The following LIX1 variants were observed in gnomAD, a reference collection of about 807,000 sequenced individuals.
The protein encoded by LIX1 is limb and CNS expressed 1.
A neutral mutation model predicts 33.4 loss-of-function variants in LIX1; 24 were observed. The ratio of observed to expected loss-of-function variants is 0.72; its 90% CI spans 0.52 to 1.01. The LOEUF (loss-of-function observed/expected upper bound fraction) is 1.01. Among genes scored for constraint, LIX1 ranks in the 50% least tolerant of loss-of-function variants. The pLI is 0.00. For missense variants in LIX1, 311 were observed against 339.2 expected (o/e 0.92, Z 0.65); for synonymous variants, 124 against 124.0 (o/e 1.00, Z 0.00).
chr5:97,105,129 G>A lies in LIX1; in HGVS notation c.483+61C>T, dbSNP rs1359088192. The stretch of plus-strand genomic sequence containing the variant: ...TCGGGAGATGTTAGTGATAAATGTT[G>A]CATTTCTCTTAGGCTTCTGGATTGG... On this transcript the variant is annotated intron_variant, in intron 4 of 5. Coordinates refer to ENST00000274382, the MANE Select transcript of LIX1 (RefSeq NM_153234.5). 7.2e-6 allele frequency: 10 copies of A among 1,396,984 alleles called. No homozygotes were observed. Among genetic ancestry groups the A allele is most frequent in the Admixed American group, 1.7e-5 (1 of 59,116 alleles). 86.5% of individuals were successfully genotyped at this position (1,396,984 alleles called of 1,614,324 possible).
At position 97,105,238 on chromosome 5, in the gene LIX1, A is replaced by G. The variant is rs1028138827; in HGVS notation, c.435T>C (p.Tyr145=). The G allele has an allele frequency of 4.3e-6, 7 of 1,614,156 alleles. No homozygotes were observed. The highest frequency in any genetic ancestry group is 5.9e-6 in the Non-Finnish European group (7 of 1,180,020). ...ADDPSTSVGA[Y]HYMLESNMGK... ...CCATGTTTGACTCCAGCATGTAGTG[A>G]TAGGCCCCAACACTGGTGCTGGGGT... Residue 145 remains tyrosine (Y), a synonymous_variant, in exon 4 of 6, where the codon TAT becomes TAC. Coordinates refer to ENST00000274382, the MANE Select transcript of LIX1 (RefSeq NM_153234.5).
intron 4 of LIX1, among the ~76,000 whole-genome samples, chr5:97,103,602 A>G (rs1453689849): frequency 6.6e-6 from 1 of 152,218 alleles, no homozygotes; most frequent in Non-Finnish European, 1.5e-5. Context: ...CTTAAAGGAT[A>G]CTTTGTTGCT....
Position 97,142,485 on chromosome 5 carries a change from C to T in LIX1, c.82+10G>A, listed in dbSNP as rs779645228. ...AAAAGTCAAAAAACTTTTCCCCCTTCAGTACTTACAGTCTTTGAAGACTAG... is the reference window on the plus strand; with the variant it reads ...AAAAGTCAAAAAACTTTTCCCCCTTTAGTACTTACAGTCTTTGAAGACTAG... On this transcript the variant is annotated intron_variant, in intron 1 of 5. Transcript: ENST00000274382. The T allele has an allele frequency of 2.8e-5, 45 of 1,607,102 alleles. No homozygotes were observed. Among genetic ancestry groups the T allele is most frequent in the Non-Finnish European group, 3.7e-5 (43 of 1,173,698 alleles).
In LIX1 at chr5:97,131,380, G is replaced by C. The variant is rs368961070; in HGVS notation, c.83-6751C>G. ...CTCCTCCATTGTGTCTTACTCACTG[G>C]CTCCTACCCACATGTACCTCCTTTT... On this transcript the variant is annotated intron_variant, in intron 1 of 5. Transcript: ENST00000274382. Among the ~76,000 whole-genome samples the C allele has an allele frequency of 2.0e-4, 31 of 152,128 alleles. No homozygotes were observed. The East Asian group carries it at 5.4e-3, about 26-fold the overall frequency.
chr5:97,130,557 G>A (rs1748032869), intron 1 of LIX1, among the ~76,000 whole-genome samples: 1 of 152,216 alleles, frequency 6.6e-6, no homozygotes, highest in Admixed American at 6.5e-5. Context: ...GATGAGCTGA[G>A]CAACACTTCT....
intron 1 of LIX1, among the ~76,000 whole-genome samples, chr5:97,141,023 A>T (rs1422979219): frequency 6.6e-6 from 1 of 152,236 alleles, no homozygotes; most frequent in Non-Finnish European, 1.5e-5. Flanking sequence ...TCTTTTCTAA[A>T]CTGTAAACAA....
chr5:97,105,379 A>G, intron 3 of LIX1, 94 bp from the exon 4 acceptor site: 3 of 1,030,228 alleles, frequency 2.9e-6, no homozygotes, highest in East Asian at 2.5e-5. Flanking sequence ...CAGTAAGCCT[A>G]TTTTTGGTCT....
intron 4 of LIX1, among the ~76,000 whole-genome samples, chr5:97,097,855 GAGATAAC>G (rs1746472525): frequency 6.6e-6 from 1 of 152,148 alleles, no homozygotes; most frequent in South Asian, 2.1e-4. Context: ...GACAAAGAGA[GAGATAAC>G]AGCCAAATCC....
chr5:97,112,883 C>T (rs1265033081), intron 2 of LIX1, among the ~76,000 whole-genome samples: 2 of 152,022 alleles, frequency 1.3e-5, no homozygotes, highest in Non-Finnish European at 2.9e-5. Flanking sequence ...GTAAGATTCC[C>T]CAGTGACCCC....
intron 5 of LIX1, among the ~76,000 whole-genome samples, chr5:97,096,427 T>G (rs1746379103): frequency 6.6e-6 from 1 of 152,166 alleles, no homozygotes; most frequent in Non-Finnish European, 1.5e-5. Flanking sequence ...CACTCTCCAG[T>G]GACGAGGTTT....
At chr5:97,136,183 A>G (rs1439552246) in intron 1 of LIX1, among the ~76,000 whole-genome samples, 1 of 152,206 alleles carries the variant, frequency 6.6e-6, no homozygotes, top group African/African-American at 2.4e-5. Context: ...GGCATATGGA[A>G]TGATTCTGAG....
In LIX1 at chr5:97,142,551, C is replaced by T. The variant is rs1238255355; in HGVS notation, c.26G>A (p.Arg9Lys). ...AGGCAAGACTTGGGCAATGATGTGT[C>T]TCAGAGATTCCAAGGTTCTGTCCAT... MDRTLESL[R>K]HIIAQVLPHR... The change falls in exon 1 of 6, where the codon AGA becomes AAA. Residue 9 changes from arginine to lysine, a missense_variant. Physicochemically the swap from Arg to Lys is conservative, Grantham distance 26. Coordinates refer to ENST00000274382, the MANE Select transcript of LIX1 (RefSeq NM_153234.5). 5.6e-6 allele frequency: 9 copies of T among 1,614,054 alleles called. No individual in the cohort carries two copies. In the East Asian group the frequency reaches 1.6e-4, roughly 28 times the overall value.
At chr5:97,141,799 G>A (rs578059821) in intron 1 of LIX1, among the ~76,000 whole-genome samples, 15 of 152,134 alleles carry the variant, frequency 9.9e-5, no homozygotes, top group Non-Finnish European at 1.5e-4. Context: ...TTCCAGAAAC[G>A]AAGTTATATG....
intron 2 of LIX1, among the ~76,000 whole-genome samples, chr5:97,119,335 T>G (rs1222452114): frequency 6.6e-6 from 1 of 152,242 alleles, no homozygotes; most frequent in Non-Finnish European, 1.5e-5. Flanking sequence ...GGAATGAGCA[T>G]GTAGGCTCTT....
chr5:97,122,617 G>A (rs1294556328), intron 2 of LIX1, among the ~76,000 whole-genome samples: 1 of 152,006 alleles, frequency 6.6e-6, no homozygotes, highest in African/African-American at 2.4e-5. Context: ...ATCTTTGCAG[G>A]CTATTTGAGA....
At chr5:97,116,628 C>T (rs1747643384) in intron 2 of LIX1, among the ~76,000 whole-genome samples, 1 of 152,192 alleles carries the variant, frequency 6.6e-6, no homozygotes, top group Non-Finnish European at 1.5e-5. Flanking sequence ...TCCCTGGTAG[C>T]TATTACAAGC....
intron 3 of LIX1, among the ~76,000 whole-genome samples, chr5:97,105,875 G>C (rs908035461): frequency 3.3e-5 from 5 of 152,188 alleles, no homozygotes; most frequent in African/African-American, 1.2e-4. Context: ...GTGGGGAATG[G>C]CGCTAAGAAG....
chr5:97,115,427 A>G (rs1439687007), intron 2 of LIX1, among the ~76,000 whole-genome samples: 1 of 152,222 alleles, frequency 6.6e-6, no homozygotes, highest in East Asian at 1.9e-4. Context: ...GGTAGCCCTC[A>G]TTTGATTAAT....
chr5:97,136,816 G>C (rs1430434812), intron 1 of LIX1, among the ~76,000 whole-genome samples: 1 of 151,894 alleles, frequency 6.6e-6, no homozygotes, highest in African/African-American at 2.4e-5. Flanking sequence ...ACTATGGGGA[G>C]TGTAATAATT....
Sources: gnomAD v4.1 joint callset for allele counts (sites outside exome capture counted in the v4.1 genomes callset) on GRCh38, gnomAD v4.1.1 for gene constraint, MANE v1.5 for transcripts, NCBI Gene and HGNC (gene_info 2026-07-23, HGNC 2026-07-21) for gene names.